Variants in COL25A1 observed in about 807,000 individuals in gnomAD.
COL25A1 encodes collagen alpha-1(XXV) chain.
Under a neutral mutation model 128.4 loss-of-function variants are expected in COL25A1, and 103 were observed. The ratio of observed to expected loss-of-function variants is 0.80; its 90% CI spans 0.68 to 0.94. The LOEUF (loss-of-function observed/expected upper bound fraction) is 0.94. Ranked by LOEUF, COL25A1 falls within the 40% of genes least tolerant of loss-of-function variation. The pLI is 0.00. For synonymous variants in COL25A1, 279 were observed against 277.2 expected (o/e 1.01, Z -0.06); for missense variants, 745 against 840.0 (o/e 0.89, Z 1.40).
At chr4:109,188,147 C>T (rs868085328) in intron 3 of COL25A1, among the ~76,000 whole-genome samples, 32 of 152,186 alleles carry the variant, frequency 2.1e-4, no homozygotes, top group African/African-American at 7.2e-4. Flanking sequence ...AGCCGATGTT[C>T]CGATGCTCCT....
At chr4:108,922,848 T>C (rs1407560400) in intron 11 of COL25A1, among the ~76,000 whole-genome samples, 1 of 152,220 alleles carries the variant, frequency 6.6e-6, no homozygotes, top group Non-Finnish European at 1.5e-5. Context: ...TTATAGAATT[T>C]TCATAACTAT....
chr4:109,041,372 T>TA (rs35912073), intron 5 of COL25A1, among the ~76,000 whole-genome samples: 57,214 of 151,204 alleles, frequency 0.38, 11,408 homozygotes, highest in Admixed American at 0.49. Context: ...CCCCCTTTTT[T>TA]AAAAAAAAAT....
intron 19 of COL25A1, among the ~76,000 whole-genome samples, chr4:108,872,783 C>T (rs1033035273): frequency 5.9e-5 from 9 of 151,996 alleles, no homozygotes; most frequent in Admixed American, 1.3e-4. Context: ...ATTCTTCCTG[C>T]TCTTTTTAAA....
intron 35 of COL25A1, 177 bp downstream of exon 35, chr4:108,823,997 C>T: frequency 1.3e-6 from 2 of 1,559,274 alleles, no homozygotes; most frequent in Non-Finnish European, 1.7e-6. Context: ...TTATATCTGG[C>T]AGTACAGCCT....
Position 109,301,793 on chromosome 4 carries a change from T to C in COL25A1, c.227A>G (p.His76Arg), listed in dbSNP as rs371135740. ...LESAKGAPSI[H>R]LLPDTLDHLK... Reference sequence around the variant, plus strand: ...GTGATCCAGGGTATCAGGCAGCAGATGAATGGAAGGGGCCCCTTTGGCGGA... The same window carrying C: ...GTGATCCAGGGTATCAGGCAGCAGACGAATGGAAGGGGCCCCTTTGGCGGA... The change falls in exon 2 of 38, where the codon CAT becomes CGT. Residue 76 changes from histidine (H) to arginine (R), a missense_variant. Around this residue, in one of 3 missense-constraint regions of COL25A1, gnomAD observed 319 missense variants for 324.9 expected, o/e 0.98. Coordinates refer to ENST00000399132, the MANE Select transcript of COL25A1 (RefSeq NM_198721.4). 1.9e-6 allele frequency: 3 copies of C among 1,614,096 alleles called. No individual in the cohort carries two copies. The highest frequency in any genetic ancestry group is 2.7e-5 in the African/African-American group (2 of 74,944).
intron 3 of COL25A1, among the ~76,000 whole-genome samples, chr4:109,228,133 C>G (rs114341619): frequency 1.6e-3 from 239 of 152,290 alleles, no homozygotes; most frequent in African/African-American, 5.5e-3. Flanking sequence ...GGACCCCTGC[C>G]ATTTGGATGG....
At chr4:109,208,941 A>ATAT (rs1777268876) in intron 3 of COL25A1, among the ~76,000 whole-genome samples, 1 of 152,194 alleles carries the variant, frequency 6.6e-6, no homozygotes, top group Non-Finnish European at 1.5e-5. Context: ...CTGTGCTGAG[A>ATAT]AAATAGGGAG....
intron 33 of COL25A1, among the ~76,000 whole-genome samples, chr4:108,825,558 G>T (rs1732272916): frequency 6.6e-6 from 1 of 152,086 alleles, no homozygotes; most frequent in Non-Finnish European, 1.5e-5. Context: ...AATTTTATAT[G>T]ATATATTGGG....
intron 3 of COL25A1, among the ~76,000 whole-genome samples, chr4:109,057,043 A>G (rs1432582465): frequency 6.6e-6 from 1 of 152,126 alleles, no homozygotes; most frequent in African/African-American, 2.4e-5. Flanking sequence ...TATTTTTTGT[A>G]GAGACAAGGT....
intron 3 of COL25A1, among the ~76,000 whole-genome samples, chr4:109,172,495 C>A (rs1367890132): frequency 6.6e-6 from 1 of 152,112 alleles, no homozygotes; most frequent in Non-Finnish European, 1.5e-5. Context: ...ACAATCTGAT[C>A]CTTCTTGCCT....
intron 3 of COL25A1, among the ~76,000 whole-genome samples, chr4:109,268,350 CTGTTGT>C (rs1452460862): frequency 1.3e-5 from 2 of 151,956 alleles, no homozygotes; most frequent in Non-Finnish European, 2.9e-5. Context: ...CTGTAAATTC[CTGTTGT>C]TGTGAGGTGA....
Position 109,205,931 on chromosome 4 carries a change from C to T in COL25A1, c.367+94652G>A, listed in dbSNP as rs148293783. Among the ~76,000 whole-genome samples, 1,028 of 152,194 alleles carry T rather than the reference C, an allele frequency of 6.8e-3. 10 individuals carry two copies. The highest frequency in any genetic ancestry group is 0.012 in the Non-Finnish European group (808 of 68,020). On this transcript the variant is annotated intron_variant, in intron 3 of 37. Coordinates refer to ENST00000399132, the MANE Select transcript of COL25A1 (RefSeq NM_198721.4). ...CCAGATTCCATGACCCCAGTGTTCA[C>T]GTCAGGCTGCTTTCTGCCCTGGAAA...
chr4:109,171,034 C>G (rs17040047), intron 3 of COL25A1, among the ~76,000 whole-genome samples: 1 of 152,110 alleles, frequency 6.6e-6, no homozygotes, highest in Admixed American at 6.6e-5. Flanking sequence ...GTCCCCTGCT[C>G]GGTACATTAT....
intron 3 of COL25A1, among the ~76,000 whole-genome samples, chr4:109,119,144 T>C (rs1318178063): frequency 6.6e-6 from 1 of 152,038 alleles, no homozygotes; most frequent in Non-Finnish European, 1.5e-5. Flanking sequence ...GAGAACTGTT[T>C]AAATATTTTG....
At chr4:109,029,860 A>G (rs1758664799) in intron 5 of COL25A1, among the ~76,000 whole-genome samples, 1 of 152,128 alleles carries the variant, frequency 6.6e-6, no homozygotes, top group Non-Finnish European at 1.5e-5. Flanking sequence ...ATTCTTAGAT[A>G]TTATTGTCTT....
intron 15 of COL25A1, among the ~76,000 whole-genome samples, chr4:108,898,369 C>T (rs1478279258): frequency 6.6e-6 from 1 of 152,086 alleles, no homozygotes; most frequent in African/African-American, 2.4e-5. Flanking sequence ...GGTTATAATA[C>T]TGATTTGTCA....
In COL25A1 at chr4:108,817,346, T is replaced by C; in HGVS notation, c.1962+51A>G. The C allele has an allele frequency of 1.3e-6, 2 of 1,567,800 alleles. 1 individual carries two copies. The highest frequency in any genetic ancestry group is 4.5e-5 in the East Asian group (2 of 44,640). ...TCTGAATGGAAAAGGCTAGTCCAGGTTAAGAGAAAGGGAGAGTGCTTCTTT... is the reference window on the plus strand; with the variant it reads ...TCTGAATGGAAAAGGCTAGTCCAGGCTAAGAGAAAGGGAGAGTGCTTCTTT... On this transcript the variant is annotated intron_variant, in intron 37 of 37. Coordinates refer to ENST00000399132, the MANE Select transcript of COL25A1 (RefSeq NM_198721.4).
chr4:108,851,595 T>A (rs1426460250), intron 26 of COL25A1, among the ~76,000 whole-genome samples: 1 of 152,166 alleles, frequency 6.6e-6, no homozygotes, highest in African/African-American at 2.4e-5. Flanking sequence ...TCACTGGCCA[T>A]GTGTTAATTG....
At chr4:109,052,459 G>T (rs1407209674) in intron 3 of COL25A1, among the ~76,000 whole-genome samples, 2 of 152,140 alleles carry the variant, frequency 1.3e-5, no homozygotes, top group Non-Finnish European at 2.9e-5. Context: ...ATATTTGACA[G>T]AGAAAATGAA....
Sources: gnomAD v4.1 joint callset for allele counts (sites outside exome capture counted in the v4.1 genomes callset) on GRCh38, gnomAD v4.1.1 for gene constraint, gnomAD v4.1.1 regional missense constraint, MANE v1.5 for transcripts, NCBI Gene and HGNC (gene_info 2026-07-23, HGNC 2026-07-21) for gene names.